Variants in PDE7A observed in about 807,000 individuals in gnomAD.
The protein encoded by PDE7A is high affinity 3',5'-cyclic-AMP phosphodiesterase 7A.
Under a neutral mutation model 64.3 loss-of-function variants are expected in PDE7A, and 39 were observed. That is an observed-to-expected ratio of 0.61 (90% CI 0.47 to 0.79). The LOEUF is 0.79. PDE7A is among the 30% of genes least tolerant of loss of function. PDE7A has a pLI of 0.00. For missense variants in PDE7A, 470 were observed against 582.8 expected (o/e 0.81, Z 1.99); for synonymous variants, 203 against 206.8 (o/e 0.98, Z 0.16).
chr8:65,789,644 A>G (rs1305396165), intron 1 of PDE7A, among the ~76,000 whole-genome samples: 3 of 152,214 alleles, frequency 2.0e-5, no homozygotes, highest in African/African-American at 7.2e-5. Flanking sequence ...AATCTAACTT[A>G]TATTTTTGGT....
chr8:65,781,952 T>C (rs761569009), intron 2 of PDE7A, among the ~76,000 whole-genome samples: 2 of 151,838 alleles, frequency 1.3e-5, no homozygotes, highest in Admixed American at 1.3e-4. Context: ...ACACACAAGA[T>C]AAAATAAAGA....
At chr8:65,792,028 G>A (rs1809716004) in intron 1 of PDE7A, among the ~76,000 whole-genome samples, 1 of 151,994 alleles carries the variant, frequency 6.6e-6, no homozygotes, top group African/African-American at 2.4e-5. Flanking sequence ...TAAATATTAT[G>A]CTTATAACTT....
At chr8:65,758,458 T>C (rs1267747153) in intron 3 of PDE7A, among the ~76,000 whole-genome samples, 1 of 152,132 alleles carries the variant, frequency 6.6e-6, no homozygotes, top group Non-Finnish European at 1.5e-5. Context: ...TTGGCAAGAA[T>C]TTATAGTCAT....
At chr8:65,807,626 C>A (rs1332902939) in intron 1 of PDE7A, among the ~76,000 whole-genome samples, 3 of 152,166 alleles carry the variant, frequency 2.0e-5, no homozygotes, top group African/African-American at 7.2e-5. Flanking sequence ...GGGAAAACAC[C>A]CAGTCTTTAC....
At chr8:65,784,756 A>C (rs1719223026) in intron 1 of PDE7A, among the ~76,000 whole-genome samples, 1 of 152,270 alleles carries the variant, frequency 6.6e-6, no homozygotes, top group Admixed American at 6.5e-5. Flanking sequence ...CTGTCTTACA[A>C]ATCAATTAGA....
At chr8:65,732,957 G>A (rs767008709) in intron 7 of PDE7A, among the ~76,000 whole-genome samples, 5 of 151,980 alleles carry the variant, frequency 3.3e-5, no homozygotes, top group Non-Finnish European at 7.4e-5. Context: ...CAAGCCATCC[G>A]CCTCAGCCTC....
At chr8:65,814,675 A>T (rs879550394) in intron 1 of PDE7A, among the ~76,000 whole-genome samples, 3 of 152,120 alleles carry the variant, frequency 2.0e-5, no homozygotes, top group Non-Finnish European at 4.4e-5. Flanking sequence ...TGCTAAGAAG[A>T]AGTTACCTTT....
chr8:65,732,816 C>T (rs746155000), intron 7 of PDE7A, among the ~76,000 whole-genome samples: 2 of 152,182 alleles, frequency 1.3e-5, no homozygotes, highest in Non-Finnish European at 2.9e-5. Flanking sequence ...CTTGGACCTA[C>T]TTCAAATTTT....
chr8:65,808,237 T>A (rs1291871421), intron 1 of PDE7A, among the ~76,000 whole-genome samples: 1 of 152,226 alleles, frequency 6.6e-6, no homozygotes, highest in African/African-American at 2.4e-5. Flanking sequence ...GCTACACATT[T>A]AGCAGCATAC....
At chr8:65,743,548 T>G (rs1183578568) in intron 5 of PDE7A, among the ~76,000 whole-genome samples, 1 of 152,174 alleles carries the variant, frequency 6.6e-6, no homozygotes, top group Non-Finnish European at 1.5e-5. Flanking sequence ...CTGTCAACAC[T>G]GCATAAGCAA....
chr8:65,723,445 G>C (rs1469589129), intron 12 of PDE7A, 96 bp downstream of exon 12: 1 of 1,134,428 alleles, frequency 8.8e-7, no homozygotes. Context: ...ATAGAAATGA[G>C]CATAATTTTA....
At chr8:65,789,472 A>C (rs1371544467) in intron 1 of PDE7A, among the ~76,000 whole-genome samples, 1 of 152,002 alleles carries the variant, frequency 6.6e-6, no homozygotes, top group Non-Finnish European at 1.5e-5. Flanking sequence ...TCAACTTTTT[A>C]TTTCTTTTAG....
intron 1 of PDE7A, among the ~76,000 whole-genome samples, chr8:65,785,155 AAC>A (rs1244794115): frequency 6.6e-6 from 1 of 152,204 alleles, no homozygotes; most frequent in Non-Finnish European, 1.5e-5. Flanking sequence ...TTCTTAAAAA[AAC>A]ACAGTTCATG....
At chr8:65,810,158 T>C (rs1810219550) in intron 1 of PDE7A, among the ~76,000 whole-genome samples, 1 of 152,186 alleles carries the variant, frequency 6.6e-6, no homozygotes, top group African/African-American at 2.4e-5. Context: ...CATGGAATAC[T>C]ATGCAGCCAC....
At chr8:65,723,369 AAATGAG>A in intron 12 of PDE7A, 166 bp downstream of exon 12, 3 of 520,218 alleles carry the variant, frequency 5.8e-6, no homozygotes, top group Non-Finnish European at 8.7e-6. Context: ...TCCTAAAATT[AAATGAG>A]AATTAGAAGA....
At chr8:65,742,544 AT>A (rs1807490095) in intron 5 of PDE7A, among the ~76,000 whole-genome samples, 1 of 152,222 alleles carries the variant, frequency 6.6e-6, no homozygotes. Context: ...AATTACCAGC[AT>A]AAGAAACACA....
intron 3 of PDE7A, among the ~76,000 whole-genome samples, chr8:65,775,650 C>T (rs77541889): frequency 0.057 from 8,691 of 152,300 alleles, 356 homozygotes; most frequent in Middle Eastern, 0.11. Context: ...TTCTTTGAGA[C>T]GAAGTCTCGC....
chr8:65,834,341 C>A (rs78134280), intron 1 of PDE7A, among the ~76,000 whole-genome samples: 1 of 152,146 alleles, frequency 6.6e-6, no homozygotes, highest in Non-Finnish European at 1.5e-5. Context: ...GAATATAATA[C>A]ATACACAAAA....
chr8:65,828,939 C>T (rs1317097627), intron 1 of PDE7A, among the ~76,000 whole-genome samples: 1 of 151,870 alleles, frequency 6.6e-6, no homozygotes, highest in Non-Finnish European at 1.5e-5. Context: ...GAGTATTTTG[C>T]TAATTTTCTA....
Sources: gnomAD v4.1 joint callset for allele counts (sites outside exome capture counted in the v4.1 genomes callset) on GRCh38, gnomAD v4.1.1 for gene constraint, MANE v1.5 for transcripts, NCBI Gene and HGNC (gene_info 2026-07-23, HGNC 2026-07-21) for gene names.